Variants in SLC28A1 observed in about 807,000 individuals in gnomAD.
The protein encoded by SLC28A1 is sodium/nucleoside cotransporter 1.
In SLC28A1, 64 loss-of-function variants were observed where a neutral mutation model predicts 74.8. The observed-to-expected ratio is 0.86, with a 90% CI of 0.70 to 1.05. The LOEUF (loss-of-function observed/expected upper bound fraction) is 1.05, where lower values mean the gene tolerates loss of function less well. SLC28A1 is among the 50% of genes least tolerant of loss of function. SLC28A1 has a pLI of 0.00. For missense variants in SLC28A1, 828 were observed against 822.8 expected, an observed-to-expected ratio of 1.01 and a Z score of -0.08; for synonymous variants, 359 against 335.0, an observed-to-expected ratio of 1.07 and a Z score of -0.78.
At chr15:84,939,390 C>T (rs1489945006) in intron 15 of SLC28A1, among the ~76,000 whole-genome samples, 1 of 151,852 alleles carries the variant, frequency 6.6e-6, no homozygotes, top group Non-Finnish European at 1.5e-5. Context: ...GGGAAAAAGA[C>T]AGCGAGACCG....
At chr15:84,913,708 T>A (rs2141861893) in intron 9 of SLC28A1, among the ~76,000 whole-genome samples, 1 of 152,370 alleles carries the variant, frequency 6.6e-6, no homozygotes, top group Admixed American at 6.5e-5. Flanking sequence ...TACAAGGCAG[T>A]GGTCAGGACT....
downstream of SLC28A1, among the ~76,000 whole-genome samples, chr15:84,946,060 A>G (rs1456450501): frequency 2.8e-5 from 2 of 70,758 alleles, no homozygotes; most frequent in Non-Finnish European, 5.6e-5. Flanking sequence ...ATATACATAC[A>G]TATATATATA....
intron 9 of SLC28A1, among the ~76,000 whole-genome samples, chr15:84,917,500 C>T (rs1269731950): frequency 1.3e-5 from 2 of 151,464 alleles, no homozygotes; most frequent in South Asian, 2.1e-4. Flanking sequence ...CCTTGAACTC[C>T]TGGGCTCAAG....
intron 9 of SLC28A1, among the ~76,000 whole-genome samples, chr15:84,911,635 T>C (rs1968236551): frequency 6.6e-6 from 1 of 151,982 alleles, no homozygotes; most frequent in African/African-American, 2.4e-5. Context: ...GCTGAAGTGG[T>C]TCGATCGCTT....
Position 84,886,704 on chromosome 15 carries a change from G to A in SLC28A1, c.-100G>A. On this transcript the variant is annotated 5_prime_UTR_variant, in exon 2 of 19. Coordinates refer to ENST00000394573, the MANE Select transcript of SLC28A1 (RefSeq NM_004213.5). Reference sequence around the variant, plus strand: ...TGCTGAAGTGACAAGGCAAGCCAGAGCCAAAGCAGGTTGGACCCAGCTTGT... The same window carrying A: ...TGCTGAAGTGACAAGGCAAGCCAGAACCAAAGCAGGTTGGACCCAGCTTGT... 3 of 985,542 alleles carry A rather than the reference G, an allele frequency of 3.0e-6. No homozygotes were observed. The highest frequency in any genetic ancestry group is 3.6e-6 in the Non-Finnish European group (3 of 829,980). The allele number at this position is 985,542 out of a possible 1,614,324, so 61.0% of individuals were successfully genotyped here.
chr15:84,949,770 G>T (rs1439147516), downstream of SLC28A1, among the ~76,000 whole-genome samples: 1 of 151,978 alleles, frequency 6.6e-6, no homozygotes, highest in East Asian at 1.9e-4. Flanking sequence ...CCGAGGGCTT[G>T]CATGTTGAGG....
intron 15 of SLC28A1, among the ~76,000 whole-genome samples, chr15:84,938,942 C>A (rs1160276418): frequency 3.3e-5 from 5 of 152,268 alleles, no homozygotes; most frequent in African/African-American, 1.2e-4. Flanking sequence ...AGAGCAGAGG[C>A]AATGGATACA....
chr15:84,943,343 G>A (rs1470279154), intron 15 of SLC28A1, 102 bp from the exon 16 acceptor site: 9 of 812,218 alleles, frequency 1.1e-5, no homozygotes, highest in Non-Finnish European at 1.5e-5. Context: ...TCAATTACAT[G>A]TAAGAAGTGG....
chr15:84,935,641 C>T (rs1057212323), intron 15 of SLC28A1, 123 bp downstream of exon 15: 64 of 776,490 alleles, frequency 8.2e-5, no homozygotes, highest in South Asian at 1.6e-5. Context: ...TGGTGCTTCA[C>T]CTCCTACATC....
chr15:84,895,773 C>T (rs1446381945), intron 6 of SLC28A1: 1 of 1,200,776 alleles, frequency 8.3e-7, no homozygotes, highest in Admixed American at 3.9e-5. Flanking sequence ...AAAACAGTTT[C>T]TATGGCTTAA....
In SLC28A1 at chr15:84,887,818, G is replaced by T; in HGVS notation, c.58G>T (p.Gly20Cys). The change falls in exon 3 of 19, where the codon GGT becomes TGT. Residue 20 changes from glycine (G) to cysteine (C), a missense_variant. Transcript: ENST00000394573. ...ESISLTPVAK[G>C]LENMGADFLE... is the part of the protein sequence containing the mutation. The stretch of plus-strand genomic sequence containing the variant: ...CATCTCTCTCACACCTGTGGCCAAG[G>T]GTCTGGAGAACATGGGGGCTGATTT... 6.2e-7 allele frequency: 1 copy of T among 1,614,038 alleles called. No homozygotes were observed. Among genetic ancestry groups the T allele is most frequent in the South Asian group, 1.1e-5 (1 of 91,074 alleles).
At chr15:84,967,041 G>A in the SLC28A1 span, among the ~76,000 whole-genome samples, 5 of 152,284 alleles carry the variant, frequency 3.3e-5, no homozygotes, top group East Asian at 5.8e-4. Flanking sequence ...TCAGCCTCCT[G>A]AGTAGCTGGG....
the SLC28A1 span, among the ~76,000 whole-genome samples, chr15:84,965,898 C>CGGG: frequency 9.3e-6 from 1 of 107,712 alleles, no homozygotes; most frequent in African/African-American, 4.8e-5. Flanking sequence ...TGGAGGGAGG[C>CGGG]GGGGAGGGGG....
the SLC28A1 span, among the ~76,000 whole-genome samples, chr15:84,974,277 A>G: frequency 1.3e-5 from 2 of 152,158 alleles, no homozygotes; most frequent in African/African-American, 2.4e-5. Context: ...CTGCTTCTCA[A>G]GTATCGGTGA....
intron 16 of SLC28A1, among the ~76,000 whole-genome samples, chr15:84,943,842 G>A (rs181549736): frequency 1.3e-5 from 2 of 151,940 alleles, no homozygotes; most frequent in African/African-American, 4.8e-5. Context: ...ACCCAGGCAC[G>A]AGGATGAGCT....
chr15:84,907,844 TAA>T (rs995414970), intron 8 of SLC28A1, among the ~76,000 whole-genome samples: 1 of 139,784 alleles, frequency 7.2e-6, no homozygotes, highest in African/African-American at 3.0e-5. Context: ...TCACTGACAG[TAA>T]CTGTACAGGG....
intron 8 of SLC28A1, among the ~76,000 whole-genome samples, chr15:84,906,577 C>CTCTTT (rs1567140848): frequency 9.2e-5 from 3 of 32,516 alleles, no homozygotes; most frequent in East Asian, 1.7e-3. Context: ...TTTCTTTCTT[C>CTCTTT]CTTCCTTCCT....
At chr15:84,935,281 G>T in intron 14 of SLC28A1, 40 bp from the exon 15 acceptor site, 1 of 1,612,942 alleles carries the variant, frequency 6.2e-7, no homozygotes, top group Non-Finnish European at 8.5e-7. Flanking sequence ...GCAGAGCCCA[G>T]GCCCAGCCCT....
downstream of SLC28A1, among the ~76,000 whole-genome samples, chr15:84,949,702 T>C (rs1424016325): frequency 6.6e-6 from 1 of 151,854 alleles, no homozygotes; most frequent in Non-Finnish European, 1.5e-5. Flanking sequence ...TGAGCCACTG[T>C]GCCCAGCCTT....
Sources: gnomAD v4.1 joint callset for allele counts (sites outside exome capture counted in the v4.1 genomes callset) on GRCh38, gnomAD v4.1.1 for gene constraint, MANE v1.5 for transcripts, NCBI Gene and HGNC (gene_info 2026-07-23, HGNC 2026-07-21) for gene names.